Variants in DOCK2 observed in about 807,000 individuals in gnomAD.
The protein encoded by DOCK2 is dedicator of cytokinesis 2.
Under a neutral mutation model 248.9 loss-of-function variants are expected in DOCK2, and 87 were observed. That is an observed-to-expected ratio of 0.35 (90% CI 0.29 to 0.42). The LOEUF is 0.42. Ranked by LOEUF, DOCK2 falls within the 10% of genes least tolerant of loss-of-function variation. The pLI is 1.00. For missense variants in DOCK2, 1,747 were observed against 2,300.2 expected (o/e 0.76, Z 4.92); for synonymous variants, 805 against 821.6 (o/e 0.98, Z 0.35).
At chr5:169,795,409 G>A (rs1039623899) in intron 25 of DOCK2, among the ~76,000 whole-genome samples, 3 of 152,192 alleles carry the variant, frequency 2.0e-5, no homozygotes, top group African/African-American at 7.2e-5. Flanking sequence ...AGACGTAGAT[G>A]GCGCCGGAGG....
At chr5:169,956,747 G>C (rs1004818079) in intron 27 of DOCK2, among the ~76,000 whole-genome samples, 3 of 152,154 alleles carry the variant, frequency 2.0e-5, no homozygotes, top group Non-Finnish European at 4.4e-5. Flanking sequence ...TTAAAGTGAA[G>C]TTTCCCTAGC....
chr5:169,864,503 G>GTCTGTGCTGATT, intron 27 of DOCK2: 1 of 1,397,956 alleles, frequency 7.2e-7, no homozygotes, highest in Non-Finnish European at 9.6e-7. Flanking sequence ...ATTCGAATCA[G>GTCTGTGCTGATT]CACAGACTGA....
intron 35 of DOCK2, 73 bp downstream of exon 35, chr5:170,034,628 G>A (rs373355046): frequency 5.0e-5 from 78 of 1,573,082 alleles, no homozygotes; most frequent in Non-Finnish European, 6.2e-5. Context: ...TGGGTCTCAC[G>A]ATTGTTCTTC....
At chr5:169,959,387 G>T (rs1221025226) in intron 27 of DOCK2, among the ~76,000 whole-genome samples, 1 of 151,510 alleles carries the variant, frequency 6.6e-6, no homozygotes, top group South Asian at 2.1e-4. Flanking sequence ...AAAAAAAAAG[G>T]AACAAACTAT....
intron 27 of DOCK2, among the ~76,000 whole-genome samples, chr5:169,912,689 A>G (rs60709261): frequency 6.6e-6 from 1 of 152,088 alleles, no homozygotes; most frequent in African/African-American, 2.4e-5. Flanking sequence ...CCCATAATGT[A>G]TGAAGGTAGT....
chr5:169,754,452 G>A (rs943398895), intron 23 of DOCK2, among the ~76,000 whole-genome samples: 1 of 152,196 alleles, frequency 6.6e-6, no homozygotes, highest in African/African-American at 2.4e-5. Context: ...CACCTAATTA[G>A]CAAGATAGCA....
chr5:169,797,497 A>G (rs1328902358), intron 25 of DOCK2, among the ~76,000 whole-genome samples: 1 of 152,258 alleles, frequency 6.6e-6, no homozygotes, highest in Non-Finnish European at 1.5e-5. Context: ...TGACCGCCAC[A>G]TGACAAAACT....
chr5:169,842,233 T>A (rs1313341641), intron 27 of DOCK2, among the ~76,000 whole-genome samples: 1 of 152,216 alleles, frequency 6.6e-6, no homozygotes, highest in East Asian at 1.9e-4. Flanking sequence ...AGTGGTGACA[T>A]CCGTGGAGAG....
intron 27 of DOCK2, among the ~76,000 whole-genome samples, chr5:169,924,334 T>C (rs867577727): frequency 2.6e-5 from 4 of 152,224 alleles, no homozygotes; most frequent in Non-Finnish European, 5.9e-5. Context: ...CCTCATACTC[T>C]TTCCCTGTCA....
intron 22 of DOCK2, among the ~76,000 whole-genome samples, chr5:169,737,479 G>A (rs1001215988): frequency 6.6e-6 from 1 of 152,116 alleles, no homozygotes; most frequent in Non-Finnish European, 1.5e-5. Flanking sequence ...AGAATCCTTA[G>A]AATCTCCAAA....
Position 169,848,456 on chromosome 5 carries a change from C to T in DOCK2, c.2799+7604C>T, listed in dbSNP as rs192496825. On this transcript the variant is annotated intron_variant, in intron 27 of 51. Transcript: ENST00000520908. Reference sequence around the variant, plus strand: ...GGAAAAATGTCCAGGCTTGTTTGTGCGTGGTGAGGGTGTGCCTCAAGAACC... The same window carrying T: ...GGAAAAATGTCCAGGCTTGTTTGTGTGTGGTGAGGGTGTGCCTCAAGAACC... 4.2e-3 allele frequency among the ~76,000 whole-genome samples: 645 copies of T among 152,314 alleles called. 8 individuals carry two copies. Among genetic ancestry groups the T allele is most frequent in the Middle Eastern group, 6.8e-3 (2 of 294 alleles).
intron 2 of DOCK2, among the ~76,000 whole-genome samples, chr5:169,660,974 A>C (rs75712548): frequency 1.6e-5 from 1 of 64,116 alleles, no homozygotes; most frequent in Non-Finnish European, 3.6e-5. Flanking sequence ...ACTTTAGTGC[A>C]AAAAAAAAAT....
In DOCK2 at chr5:170,052,989, G is replaced by C. The variant is rs1434534273; in HGVS notation, c.4214-2316G>C. Among the ~76,000 whole-genome samples the C allele has an allele frequency of 2.0e-5, 3 of 152,224 alleles. No individual in the cohort carries two copies. The South Asian group carries it at 6.2e-4, about 31-fold the overall frequency. Reference sequence around the variant, plus strand: ...TCACTTGTTAAAAAGCTGATAAGCAGTCTGAGAGGGTGACAGATCTCATTT... The same window carrying C: ...TCACTTGTTAAAAAGCTGATAAGCACTCTGAGAGGGTGACAGATCTCATTT... On this transcript the variant is annotated intron_variant, in intron 41 of 51. Transcript: ENST00000520908.
chr5:169,880,933 G>T (rs1772605583), intron 27 of DOCK2, among the ~76,000 whole-genome samples: 1 of 152,212 alleles, frequency 6.6e-6, no homozygotes, highest in Non-Finnish European at 1.5e-5. Context: ...TAAGGGCTTG[G>T]CATAGCATAG....
intron 27 of DOCK2, chr5:169,882,657 G>A: frequency 6.4e-7 from 1 of 1,552,024 alleles, no homozygotes; most frequent in Middle Eastern, 1.7e-4. Flanking sequence ...ATTGCAGTCG[G>A]CCTTGGAGGT....
chr5:170,010,055 C>T (rs528982530), intron 32 of DOCK2, among the ~76,000 whole-genome samples: 15 of 152,260 alleles, frequency 9.9e-5, no homozygotes, highest in African/African-American at 3.1e-4. Context: ...TGAGGGTCAT[C>T]AGAGCACAAG....
At chr5:169,677,531 G>T (rs2113330650) in intron 6 of DOCK2, among the ~76,000 whole-genome samples, 1 of 152,220 alleles carries the variant, frequency 6.6e-6, no homozygotes, top group African/African-American at 2.4e-5. Flanking sequence ...GCATGCTCTT[G>T]TCTCCATAAA....
intron 27 of DOCK2, among the ~76,000 whole-genome samples, chr5:169,948,648 C>G (rs1776540755): frequency 6.9e-6 from 1 of 145,182 alleles, no homozygotes; most frequent in Non-Finnish European, 1.5e-5. Flanking sequence ...GGGTCTTGCT[C>G]TGTTCCCCAG....
chr5:169,807,833 C>CAAAAAAAAA lies in DOCK2; in HGVS notation c.2703+4645_2703+4653dup, dbSNP rs61670398. ...TGGGAGACAGAGCAAGACTCTGTCT[C>CAAAAAAAAA]AAAAAAAAAAAAAAAAAAAAAAAAA... On this transcript the variant is annotated intron_variant, in intron 26 of 51. Coordinates refer to ENST00000520908, the MANE Select transcript of DOCK2 (RefSeq NM_004946.3). 4.5e-3 allele frequency among the ~76,000 whole-genome samples: 109 copies of CAAAAAAAAA among 24,214 alleles called. 8 individuals carry two copies. The highest frequency in any genetic ancestry group is 5.5e-3 in the African/African-American group (61 of 11,176). The allele number at this position is 24,214 out of a possible 152,430, so 15.9% of individuals were successfully genotyped here.
Sources: allele counts gnomAD v4.1 joint callset (sites outside exome capture counted in the v4.1 genomes callset), GRCh38; gene constraint gnomAD v4.1.1; transcripts MANE v1.5; gene names NCBI Gene and HGNC (gene_info 2026-07-23, HGNC 2026-07-21).